JMJD1C: variants seen among roughly 807,000 people sequenced by gnomAD.
JMJD1C encodes the protein jumonji domain-containing protein 1C.
A neutral mutation model predicts 245.3 loss-of-function variants in JMJD1C; 31 were observed. The observed-to-expected ratio is 0.13, with a 90% CI of 0.09 to 0.17. The LOEUF is 0.17. Ranked by LOEUF, JMJD1C falls within the 10% of genes least tolerant of loss-of-function variation. The probability of loss-of-function intolerance (pLI) is 1.00; values close to 1 mark genes in which losing one functional copy is unlikely to be tolerated. For synonymous variants in JMJD1C, 1,057 were observed against 1,017.4 expected (o/e 1.04, Z -0.74); for missense variants, 2,691 against 3,000.2 (o/e 0.90, Z 2.41).
chr10:63,264,321 C>T lies in JMJD1C; in HGVS notation c.447+330G>A, dbSNP rs141368666. On this transcript the variant is annotated intron_variant, in intron 3 of 25. Coordinates refer to ENST00000399262, the MANE Select transcript of JMJD1C (RefSeq NM_032776.3). ...TTATATTAATTTACCCAATTCTTAA[C>T]GTTTAGCATTGAAGACAATTTATAC... is the stretch of plus-strand genomic sequence containing the variant. Among the ~76,000 whole-genome samples, 304 of 152,106 alleles carry T rather than the reference C, an allele frequency of 2.0e-3. 6 individuals carry two copies. In the East Asian group the frequency reaches 0.035, roughly 18 times the overall value.
intron 3 of JMJD1C, among the ~76,000 whole-genome samples, chr10:63,229,605 G>T (rs976478951): frequency 1.3e-5 from 2 of 151,822 alleles, no homozygotes; most frequent in Non-Finnish European, 2.9e-5. Flanking sequence ...TTGATGAAAG[G>T]AGTAAATATA....
intron 24 of JMJD1C, among the ~76,000 whole-genome samples, chr10:63,171,408 C>G (rs949213746): frequency 1.3e-5 from 2 of 152,286 alleles, no homozygotes; most frequent in South Asian, 2.1e-4. Context: ...CCTCAGCTTG[C>G]TAAGATTATA....
chr10:63,241,352 G>A (rs925388827), intron 3 of JMJD1C, among the ~76,000 whole-genome samples: 1 of 152,188 alleles, frequency 6.6e-6, no homozygotes. Context: ...AAGACGAGCA[G>A]TAAAGTGAAA....
chr10:63,432,620 A>C (rs1317514476), intron 1 of JMJD1C, among the ~76,000 whole-genome samples: 2 of 152,238 alleles, frequency 1.3e-5, no homozygotes, highest in Non-Finnish European at 2.9e-5. Flanking sequence ...TGATCACATC[A>C]ACTCTGGAAT....
chr10:63,326,961 A>C (rs1203871252), intron 2 of JMJD1C, among the ~76,000 whole-genome samples: 1 of 152,152 alleles, frequency 6.6e-6, no homozygotes, highest in Non-Finnish European at 1.5e-5. Context: ...CCGAGACAGG[A>C]AGATTGCTTG....
intron 2 of JMJD1C, among the ~76,000 whole-genome samples, chr10:63,337,639 A>C (rs537858427): frequency 2.0e-5 from 2 of 98,674 alleles, no homozygotes; most frequent in Non-Finnish European, 4.8e-5. Context: ...GAAAAGAAAA[A>C]AAATCCGCTA....
intron 1 of JMJD1C, among the ~76,000 whole-genome samples, chr10:63,383,947 G>C (rs1342124007): frequency 6.6e-6 from 1 of 152,072 alleles, no homozygotes; most frequent in African/African-American, 2.4e-5. Context: ...TTTCATCAAA[G>C]ATTTCCCTAG....
intron 2 of JMJD1C, among the ~76,000 whole-genome samples, chr10:63,347,918 C>A (rs1171113024): frequency 1.3e-5 from 2 of 151,846 alleles, no homozygotes; most frequent in African/African-American, 4.8e-5. Flanking sequence ...CATCTCAAAA[C>A]AAGAGAAATT....
chr10:63,265,056 T>C (rs773158643), intron 2 of JMJD1C, among the ~76,000 whole-genome samples: 11 of 152,122 alleles, frequency 7.2e-5, no homozygotes, highest in Non-Finnish European at 1.5e-4. Context: ...TGTGTAAAAA[T>C]GTCTGCTTAA....
chr10:63,399,974 A>C (rs981809239), intron 1 of JMJD1C, among the ~76,000 whole-genome samples: 1 of 152,140 alleles, frequency 6.6e-6, no homozygotes, highest in African/African-American at 2.4e-5. Context: ...ATACACATGA[A>C]CACATACTCA....
chr10:63,278,030 G>A (rs1313109606), intron 2 of JMJD1C, among the ~76,000 whole-genome samples: 3 of 151,652 alleles, frequency 2.0e-5, no homozygotes, highest in Non-Finnish European at 4.4e-5. Flanking sequence ...ACTGTACCCA[G>A]CCTGCATTTT....
At chr10:63,189,069 A>G (rs960422042) in intron 18 of JMJD1C, 99 bp downstream of exon 18, 67 of 1,010,930 alleles carry the variant, frequency 6.6e-5, no homozygotes, top group Admixed American at 2.1e-4. Flanking sequence ...GTTAACCACT[A>G]TTTTTCCCCC....
chr10:63,215,592 T>C lies in JMJD1C; in HGVS notation c.783A>G (p.Arg261=). 1 of 1,611,028 alleles carries C rather than the reference T, an allele frequency of 6.2e-7. No individual in the cohort carries two copies. The highest frequency in any genetic ancestry group is 8.5e-7 in the Non-Finnish European group (1 of 1,177,312). ...CGTTTTGATTGGCACGAGACCTGCGTCGTGATGTAATGCCAATATTTTCAC... is the reference window on the plus strand; with the variant it reads ...CGTTTTGATTGGCACGAGACCTGCGCCGTGATGTAATGCCAATATTTTCAC... ...LKGENIGITS[R]RRSRANQNVN... The change falls in exon 6 of 26, where the codon CGA becomes CGG. Residue 261 remains arginine, a synonymous_variant. Coordinates refer to ENST00000399262, the MANE Select transcript of JMJD1C (RefSeq NM_032776.3).
chr10:63,355,812 C>A (rs1386346395), intron 2 of JMJD1C, among the ~76,000 whole-genome samples: 1 of 151,734 alleles, frequency 6.6e-6, no homozygotes, highest in Non-Finnish European at 1.5e-5. Flanking sequence ...GAGATGGGCG[C>A]CCAGTGAGAA....
intron 10 of JMJD1C, chr10:63,204,980 G>T: frequency 1.0e-6 from 1 of 985,160 alleles, no homozygotes. Flanking sequence ...ATTGTATGTG[G>T]ATGAACACAC....
At chr10:63,435,607 G>A (rs1951017476) in intron 1 of JMJD1C, among the ~76,000 whole-genome samples, 1 of 152,030 alleles carries the variant, frequency 6.6e-6, no homozygotes. Context: ...AATGACTTAA[G>A]AGGGTGACAA....
At chr10:63,235,659 A>G (rs1486252949) in intron 3 of JMJD1C, among the ~76,000 whole-genome samples, 2 of 152,246 alleles carry the variant, frequency 1.3e-5, no homozygotes, top group Non-Finnish European at 2.9e-5. Flanking sequence ...AAGCACTTTC[A>G]CAAAGATTAA....
At chr10:63,186,138 A>T (rs1267271544) in intron 19 of JMJD1C, 77 bp downstream of exon 19, 1 of 1,155,826 alleles carries the variant, frequency 8.7e-7, no homozygotes, top group Non-Finnish European at 1.2e-6. Flanking sequence ...AAGACTAAAA[A>T]TCTGTTAAGT....
chr10:63,326,460 T>C (rs1422631620), intron 2 of JMJD1C, among the ~76,000 whole-genome samples: 2 of 152,012 alleles, frequency 1.3e-5, no homozygotes, highest in Non-Finnish European at 2.9e-5. Flanking sequence ...TTTATTACAA[T>C]GGCAAGAAAT....
Sources: gnomAD v4.1 joint callset for allele counts (sites outside exome capture counted in the v4.1 genomes callset) on GRCh38, gnomAD v4.1.1 for gene constraint, MANE v1.5 for transcripts, NCBI Gene and HGNC (gene_info 2026-07-23, HGNC 2026-07-21) for gene names.